ZNF407: variants seen among roughly 807,000 people sequenced by gnomAD.
ZNF407 encodes the protein zinc finger protein 407.
Under a neutral mutation model 131.2 loss-of-function variants are expected in ZNF407, and 17 were observed. The observed-to-expected ratio is 0.13, with a 90% CI of 0.09 to 0.19. The LOEUF (loss-of-function observed/expected upper bound fraction) is 0.19, where lower values mean the gene tolerates loss of function less well. Ranked by LOEUF, ZNF407 falls within the 10% of genes least tolerant of loss-of-function variation. The probability of loss-of-function intolerance (pLI) is 1.00; values close to 1 mark genes in which losing one functional copy is unlikely to be tolerated. For missense variants in ZNF407, 2,681 were observed against 2,830.6 expected, an observed-to-expected ratio of 0.95 and a Z score of 1.20; for synonymous variants, 1,156 against 1,062.0, an observed-to-expected ratio of 1.09 and a Z score of -1.72.
Position 75,064,045 on chromosome 18 carries a change from C to G in ZNF407, c.6324C>G (p.Ser2108Arg), listed in dbSNP as rs373892088. Residue 2108 changes from serine (S) to arginine (R), a missense_variant, in exon 9 of 9, where the codon AGC (serine) becomes AGG (arginine). By Grantham distance (110) the Ser-to-Arg change is moderately radical (BLOSUM62 -1). This residue lies in a region of ZNF407 where 620 missense variants were observed against 583.1 expected (regional missense o/e 1.06). Coordinates refer to ENST00000299687, the MANE Select transcript of ZNF407 (RefSeq NM_017757.3). ...VKDGVTQVVV[S>R]EEGAVHMVAG... ...ACGGTGTCACCCAGGTGGTGGTGAG[C>G]GAAGAGGGTGCCGTCCACATGGTCG... is the stretch of plus-strand genomic sequence containing the variant. 1.9e-6 allele frequency: 3 copies of G among 1,597,648 alleles called. No homozygotes were observed. In the East Asian group the frequency reaches 6.8e-5, roughly 36 times the overall value.
intron 3 of ZNF407, among the ~76,000 whole-genome samples, chr18:74,765,003 G>T (rs919692325): frequency 6.6e-6 from 1 of 152,076 alleles, no homozygotes; most frequent in Admixed American, 6.6e-5. Context: ...CTGTCTCAGG[G>T]GTGGCAGAGG....
intron 3 of ZNF407, among the ~76,000 whole-genome samples, chr18:74,771,671 A>C (rs928566377): frequency 1.3e-5 from 2 of 152,054 alleles, no homozygotes; most frequent in Non-Finnish European, 2.9e-5. Flanking sequence ...AACTGGTGCA[A>C]TCTATCTCAA....
At chr18:74,648,090 T>C (rs1436564766) in intron 3 of ZNF407, among the ~76,000 whole-genome samples, 2 of 152,152 alleles carry the variant, frequency 1.3e-5, no homozygotes, top group Admixed American at 6.5e-5. Context: ...GCCAGCACTG[T>C]GTTAGTCTTT....
intron 8 of ZNF407, among the ~76,000 whole-genome samples, chr18:74,977,536 T>C (rs868479102): frequency 7.9e-5 from 12 of 152,214 alleles, no homozygotes; most frequent in Non-Finnish European, 7.3e-5. Context: ...TTCTTGACTT[T>C]AAGTCTAAAC....
At chr18:74,908,307 T>C (rs931864787) in intron 7 of ZNF407, among the ~76,000 whole-genome samples, 4 of 152,222 alleles carry the variant, frequency 2.6e-5, no homozygotes, top group African/African-American at 9.6e-5. Context: ...ATTTTTTCTA[T>C]CATTTTTGTA....
intron 7 of ZNF407, among the ~76,000 whole-genome samples, chr18:74,914,093 T>C (rs114379938): frequency 0.01 from 1,590 of 152,310 alleles, 27 homozygotes; most frequent in African/African-American, 0.036. Flanking sequence ...GCCTTTTCCA[T>C]GAAAGCGATG....
chr18:74,631,993 G>A lies in ZNF407; in HGVS notation c.974G>A (p.Ser325Asn). ...SDSKGLRNVG[S>N]TFKDFRGSIS... is the part of the protein sequence containing the mutation. ...TCAAAAGGATTACGAAATGTGGGAA[G>A]CACGTTTAAAGATTTCAGAGGAAGT... Residue 325 changes from serine to asparagine, a missense_variant, in exon 2 of 9, where the codon AGC (serine) becomes AAC (asparagine). Around this residue, in one of 6 missense-constraint regions of ZNF407, gnomAD observed 1,789 missense variants for 1,748.7 expected, o/e 1.02. Coordinates refer to ENST00000299687, the MANE Select transcript of ZNF407 (RefSeq NM_017757.3). The A allele has an allele frequency of 6.2e-7, 1 of 1,613,942 alleles. No homozygotes were observed. Among genetic ancestry groups the A allele is most frequent in the African/African-American group, 1.3e-5 (1 of 75,058 alleles).
intron 3 of ZNF407, among the ~76,000 whole-genome samples, chr18:74,720,921 C>T (rs576701696): frequency 0.011 from 1,137 of 101,356 alleles, 10 homozygotes; most frequent in Middle Eastern, 0.029. Context: ...AGTGCGATAC[C>T]TTCAGCTTTT....
At chr18:74,730,017 C>T (rs1476701436) in intron 3 of ZNF407, among the ~76,000 whole-genome samples, 3 of 152,286 alleles carry the variant, frequency 2.0e-5, no homozygotes, top group East Asian at 1.9e-4. Flanking sequence ...TGGAAAAGCA[C>T]GTTTGTTGTG....
chr18:74,614,077 CTT>C (rs934957512), intron 1 of ZNF407, among the ~76,000 whole-genome samples: 8 of 152,192 alleles, frequency 5.3e-5, no homozygotes, highest in South Asian at 4.1e-4. Flanking sequence ...TATTGGATCA[CTT>C]ATAAAATGAG....
chr18:74,881,717 G>T (rs1201400316), intron 6 of ZNF407, among the ~76,000 whole-genome samples: 1 of 152,104 alleles, frequency 6.6e-6, no homozygotes. Context: ...GTTAATTATG[G>T]TCATTGAAGA....
intron 4 of ZNF407, among the ~76,000 whole-genome samples, chr18:74,866,979 G>A: frequency 9.8e-6 from 1 of 102,124 alleles, no homozygotes; most frequent in Admixed American, 1.3e-4. Context: ...GAAACCCTGT[G>A]TCTACCCGAA....
intron 7 of ZNF407, among the ~76,000 whole-genome samples, chr18:74,901,337 A>C (rs1208127539): frequency 6.6e-6 from 1 of 152,240 alleles, no homozygotes; most frequent in East Asian, 1.9e-4. Flanking sequence ...CCTTAAAAAC[A>C]GTGATGTATT....
intron 7 of ZNF407, among the ~76,000 whole-genome samples, chr18:74,892,740 C>T (rs1331576680): frequency 6.6e-6 from 1 of 152,012 alleles, no homozygotes; most frequent in Non-Finnish European, 1.5e-5. Flanking sequence ...GTTTTTAAAC[C>T]ACTGTTTTGA....
chr18:74,750,976 A>G (rs992684160), intron 3 of ZNF407, among the ~76,000 whole-genome samples: 1 of 152,024 alleles, frequency 6.6e-6, no homozygotes, highest in African/African-American at 2.4e-5. Context: ...TGCCTATTTT[A>G]TATATTTTAT....
chr18:74,891,343 G>A (rs1971382261), intron 7 of ZNF407, among the ~76,000 whole-genome samples: 1 of 152,106 alleles, frequency 6.6e-6, no homozygotes, highest in African/African-American at 2.4e-5. Flanking sequence ...TGAAATTGAG[G>A]GTGTGTCTTC....
chr18:74,617,194 A>ACACCACACACATCCATATCCACG (rs1983355765), intron 1 of ZNF407, among the ~76,000 whole-genome samples: 1 of 3,280 alleles, frequency 3.0e-4, no homozygotes, highest in African/African-American at 8.2e-4. Context: ...ACATCGACAC[A>ACACCACACACATCCATATCCACG]CTTTACTTTT....
At chr18:74,700,877 G>A (rs1288697477) in intron 3 of ZNF407, among the ~76,000 whole-genome samples, 2 of 152,074 alleles carry the variant, frequency 1.3e-5, no homozygotes, top group African/African-American at 2.4e-5. Context: ...TTAGTATTCC[G>A]GTGGTACCAG....
intron 1 of ZNF407, among the ~76,000 whole-genome samples, chr18:74,627,116 C>T (rs975865529): frequency 2.6e-5 from 4 of 152,284 alleles, no homozygotes; most frequent in African/African-American, 9.6e-5. Flanking sequence ...TGTCTGATGT[C>T]GACTGTCTTG....
Sources: allele counts gnomAD v4.1 joint callset (sites outside exome capture counted in the v4.1 genomes callset), GRCh38; gene constraint gnomAD v4.1.1; regional missense constraint gnomAD v4.1.1; transcripts MANE v1.5; gene names NCBI Gene and HGNC (gene_info 2026-07-23, HGNC 2026-07-21).